Variants in ZNF184 observed in about 807,000 individuals in gnomAD.
The protein encoded by ZNF184 is zinc finger protein 184.
In ZNF184, 16 loss-of-function variants were observed where a neutral mutation model predicts 54.4. The ratio of observed to expected loss-of-function variants is 0.29; its 90% CI spans 0.20 to 0.45. The LOEUF is 0.45. Among genes scored for constraint, ZNF184 ranks in the 20% least tolerant of loss-of-function variants. The pLI, the probability that ZNF184 is intolerant of heterozygous loss-of-function variation, is 1.00. For synonymous variants in ZNF184, 254 were observed against 295.3 expected, an observed-to-expected ratio of 0.86 and a Z score of 1.43; for missense variants, 681 against 888.2, an observed-to-expected ratio of 0.77 and a Z score of 2.97.
At chr6:27,440,142 T>C in the ZNF184 span, among the ~76,000 whole-genome samples, 516 of 152,340 alleles carry the variant, frequency 3.4e-3, 3 homozygotes, top group African/African-American at 0.012. Context: ...AAACACGTTT[T>C]TGGTAAATCG....
chr6:27,422,368 C>G, the ZNF184 span, among the ~76,000 whole-genome samples: 1 of 152,006 alleles, frequency 6.6e-6, no homozygotes, highest in Non-Finnish European at 1.5e-5. Flanking sequence ...CTTTTCGATG[C>G]TCTTTTCAAG....
chr6:27,448,532 C>A (rs947896657), downstream of ZNF184, among the ~76,000 whole-genome samples: 1 of 152,142 alleles, frequency 6.6e-6, no homozygotes, highest in African/African-American at 2.4e-5. Context: ...CTTACCATAG[C>A]CAAGAAAGTC....
At chr6:27,422,140 CAAAAAAAAAAA>C in the ZNF184 span, among the ~76,000 whole-genome samples, 1 of 29,348 alleles carries the variant, frequency 3.4e-5, no homozygotes, top group East Asian at 1.2e-3. Context: ...GGCCGTACCT[CAAAAAAAAAAA>C]GAAAGAAAGA....
chr6:27,451,483 A>G lies in ZNF184; in HGVS notation c.2076T>C (p.His692=). ...TACAGTTATAAGGTTTCTCTCCAGTATGAGTATTCTGATGTTCAGTCAGAT... is the reference window on the plus strand; with the variant it reads ...TACAGTTATAAGGTTTCTCTCCAGTGTGAGTATTCTGATGTTCAGTCAGAT... ...STHLTEHQNT[H]TGEKPYNCNE... Residue 692 remains histidine (H), a synonymous_variant, in exon 6 of 6, where the codon CAT becomes CAC. Transcript: ENST00000683788. 4.3e-6 allele frequency: 7 copies of G among 1,614,162 alleles called. No individual in the cohort carries two copies. Among genetic ancestry groups the G allele is most frequent in the Non-Finnish European group, 5.9e-6 (7 of 1,180,006 alleles).
rs185816385 is a variant in ZNF184, at chr6:27,462,454, T to G, written c.76-5045A>C. 4.3e-3 allele frequency among the ~76,000 whole-genome samples: 651 copies of G among 151,052 alleles called. 3 individuals carry two copies. Among genetic ancestry groups the G allele is most frequent in the African/African-American group, 0.015 (602 of 40,936 alleles). ...ACCTCGTGATCCACCCGCCTTGGCC[T>G]CCCAAAGTGCTGGGATTACGGGTGT... On this transcript the variant is annotated intron_variant, in intron 3 of 5. Coordinates refer to ENST00000683788, the MANE Select transcript of ZNF184 (RefSeq NM_001318891.2).
the ZNF184 span, among the ~76,000 whole-genome samples, chr6:27,420,032 C>T: frequency 6.6e-6 from 1 of 152,204 alleles, no homozygotes; most frequent in African/African-American, 2.4e-5. Flanking sequence ...TGTGCATGGA[C>T]AAATGCTTTA....
chr6:27,410,339 G>C, the ZNF184 span, among the ~76,000 whole-genome samples: 1 of 152,166 alleles, frequency 6.6e-6, no homozygotes, highest in Non-Finnish European at 1.5e-5. Flanking sequence ...TAGCAGATCT[G>C]AGAAAGAAAG....
intron 3 of ZNF184, among the ~76,000 whole-genome samples, chr6:27,462,533 C>A (rs74999178): frequency 2.0e-5 from 3 of 149,350 alleles, no homozygotes; most frequent in Non-Finnish European, 4.5e-5. Context: ...ATATTCAGAA[C>A]CCAATAAGGT....
At chr6:27,465,163 T>TA (rs747168494) in intron 3 of ZNF184, among the ~76,000 whole-genome samples, 5,158 of 142,186 alleles carry the variant, frequency 0.036, 327 homozygotes, top group African/African-American at 0.12. Context: ...TTCTGTTATT[T>TA]AAAAAAAAAA....
At chr6:27,462,994 T>C (rs1451332274) in intron 3 of ZNF184, among the ~76,000 whole-genome samples, 1 of 149,164 alleles carries the variant, frequency 6.7e-6, no homozygotes, top group African/African-American at 2.5e-5. Flanking sequence ...CATCAAAAGT[T>C]TTTATGACTG....
the ZNF184 span, among the ~76,000 whole-genome samples, chr6:27,444,135 T>C: frequency 1.3e-5 from 2 of 152,268 alleles, no homozygotes; most frequent in South Asian, 4.1e-4. Flanking sequence ...CCTGATCTCC[T>C]CTTCTTAAAC....
chr6:27,446,565 A>C (rs901127886), downstream of ZNF184, among the ~76,000 whole-genome samples: 1 of 152,176 alleles, frequency 6.6e-6, no homozygotes, highest in Non-Finnish European at 1.5e-5. Context: ...CACTGCAGAG[A>C]GCCCCTACGA....
intron 5 of ZNF184, among the ~76,000 whole-genome samples, chr6:27,454,600 C>A (rs1032350538): frequency 3.0e-5 from 3 of 101,416 alleles, no homozygotes; most frequent in African/African-American, 9.8e-5. Context: ...AAGAACAGTG[C>A]ATGGAAGTGG....
At chr6:27,433,712 T>A in the ZNF184 span, among the ~76,000 whole-genome samples, 1 of 152,266 alleles carries the variant, frequency 6.6e-6, no homozygotes, top group Non-Finnish European at 1.5e-5. Context: ...TGTATGTGTA[T>A]ACCACATTTT....
At chr6:27,424,288 T>C in the ZNF184 span, among the ~76,000 whole-genome samples, 1 of 152,188 alleles carries the variant, frequency 6.6e-6, no homozygotes, top group Non-Finnish European at 1.5e-5. Flanking sequence ...AAAAGTAGTG[T>C]GAGCACAAAG....
chr6:27,448,315 C>T (rs1016331930), downstream of ZNF184, among the ~76,000 whole-genome samples: 1 of 152,196 alleles, frequency 6.6e-6, no homozygotes, highest in Admixed American at 6.5e-5. Context: ...CCAACTACTT[C>T]CCATCGTTTT....
At chr6:27,423,940 G>T in the ZNF184 span, among the ~76,000 whole-genome samples, 3 of 151,558 alleles carry the variant, frequency 2.0e-5, no homozygotes, top group African/African-American at 7.3e-5. Context: ...GTCTGCTCTT[G>T]TTGAAACATT....
chr6:27,449,777 T>C (rs1210328443), downstream of ZNF184, among the ~76,000 whole-genome samples: 1 of 152,116 alleles, frequency 6.6e-6, no homozygotes, highest in Non-Finnish European at 1.5e-5. Flanking sequence ...AAAAAGATTT[T>C]AACTTTGCTC....
chr6:27,421,253 T>C, the ZNF184 span, among the ~76,000 whole-genome samples: 1 of 152,260 alleles, frequency 6.6e-6, no homozygotes, highest in South Asian at 2.1e-4. Context: ...GTAATATGTG[T>C]CAATATAAGT....
Sources: allele counts gnomAD v4.1 joint callset (sites outside exome capture counted in the v4.1 genomes callset), GRCh38; gene constraint gnomAD v4.1.1; transcripts MANE v1.5; gene names NCBI Gene and HGNC (gene_info 2026-07-23, HGNC 2026-07-21).